Variants in PAPPA2 observed in about 807,000 individuals in gnomAD.
PAPPA2 encodes pappalysin 2.
PAPPA2 carries 86 observed loss-of-function variants against 176.4 expected under a neutral mutation model. The ratio of observed to expected loss-of-function variants is 0.49; its 90% CI spans 0.41 to 0.58. PAPPA2 has a LOEUF of 0.58. PAPPA2 is among the 20% of genes least tolerant of loss of function. The pLI is 0.00. For synonymous variants in PAPPA2, 809 were observed against 852.2 expected, an observed-to-expected ratio of 0.95 and a Z score of 0.88; for missense variants, 2,073 against 2,256.9, an observed-to-expected ratio of 0.92 and a Z score of 1.65.
At chr1:176,502,863 A>G (rs1648043038) in intron 1 of PAPPA2, among the ~76,000 whole-genome samples, 1 of 152,166 alleles carries the variant, frequency 6.6e-6, no homozygotes, top group South Asian at 2.1e-4. Context: ...TGTAGAGTCC[A>G]TGTCGTAGGT....
intron 2 of PAPPA2, among the ~76,000 whole-genome samples, chr1:176,592,882 G>A (rs1013609372): frequency 2.6e-5 from 4 of 152,146 alleles, no homozygotes; most frequent in African/African-American, 4.8e-5. Flanking sequence ...ATATGAATCA[G>A]GGAACTTAGT....
Position 176,706,428 on chromosome 1 carries a change from G to A in PAPPA2, c.3435G>A (p.Leu1145=). The change falls in exon 10 of 23, where the codon CTG becomes CTA. Residue 1145 remains leucine (L), a synonymous_variant. Transcript: ENST00000367662. The part of the protein sequence containing the change: ...SGDGCSKVCE[L]EEGFNCVGEP... ...ATGGCTGCTCCAAGGTGTGTGAGCT[G>A]GAGGAAGGTTTCAACTGTGTAGGTA... is the stretch of plus-strand genomic sequence containing the variant. 1 of 1,613,730 alleles carries A rather than the reference G, an allele frequency of 6.2e-7. No individual in the cohort carries two copies. The highest frequency in any genetic ancestry group is 2.2e-5 in the East Asian group (1 of 44,852).
At chr1:176,517,069 C>A (rs1648950190) in intron 1 of PAPPA2, among the ~76,000 whole-genome samples, 1 of 152,174 alleles carries the variant, frequency 6.6e-6, no homozygotes, top group African/African-American at 2.4e-5. Context: ...CCTATCTGTT[C>A]TATTCCTACC....
At chr1:176,528,671 C>T (rs565946668) in intron 1 of PAPPA2, among the ~76,000 whole-genome samples, 1 of 152,254 alleles carries the variant, frequency 6.6e-6, no homozygotes, top group South Asian at 2.1e-4. Context: ...CACCAATTTC[C>T]CTTCCCTCCA....
chr1:176,670,998 G>A lies in PAPPA2; in HGVS notation c.2020G>A (p.Glu674Lys), dbSNP rs1196054808. 2.5e-6 allele frequency: 4 copies of A among 1,613,900 alleles called. No individual in the cohort carries two copies. In the South Asian group the frequency reaches 3.3e-5, roughly 13 times the overall value. ...RAYMSVKELKEALQLNSTHFL... is the reference protein window; with the variant it reads ...RAYMSVKELKKALQLNSTHFL... ...ATACATGAGTGTGAAGGAGCTGAAGGAGGCCCTGCAGCTGAACAGTACTCA... is the reference window on the plus strand; with the variant it reads ...ATACATGAGTGTGAAGGAGCTGAAGAAGGCCCTGCAGCTGAACAGTACTCA... The change falls in exon 4 of 23, where the codon GAG becomes AAG. Residue 674 changes from glutamate (E) to lysine (K), a missense_variant. Around this residue, in one of 4 missense-constraint regions of PAPPA2, gnomAD observed 1,196 missense variants for 1,330.4 expected, o/e 0.90. Transcript: ENST00000367662.
chr1:176,508,487 A>G (rs1169616155), intron 1 of PAPPA2, among the ~76,000 whole-genome samples: 1 of 152,200 alleles, frequency 6.6e-6, no homozygotes, highest in Non-Finnish European at 1.5e-5. Flanking sequence ...AAATCACTGC[A>G]TGGAATTAAT....
At chr1:176,792,687 T>C (rs1181919133) in intron 19 of PAPPA2, among the ~76,000 whole-genome samples, 3 of 152,052 alleles carry the variant, frequency 2.0e-5, no homozygotes, top group African/African-American at 4.8e-5. Flanking sequence ...AATGTGCACA[T>C]GTACCCTAAA....
intron 9 of PAPPA2, 64 bp downstream of exon 9, chr1:176,702,799 GA>G: frequency 1.3e-6 from 2 of 1,555,516 alleles, no homozygotes; most frequent in South Asian, 1.2e-5. Context: ...GAGAGAGAGA[GA>G]GAGGGAGGGA....
intron 21 of PAPPA2, among the ~76,000 whole-genome samples, chr1:176,827,024 A>G (rs1666885488): frequency 6.6e-6 from 1 of 152,232 alleles, no homozygotes; most frequent in Non-Finnish European, 1.5e-5. Flanking sequence ...TGTCATAGAT[A>G]AGCCTTCATC....
intron 1 of PAPPA2, among the ~76,000 whole-genome samples, chr1:176,480,931 G>A (rs112520248): frequency 4.6e-5 from 7 of 152,088 alleles, no homozygotes; most frequent in South Asian, 2.1e-4. Flanking sequence ...TCTCCTGGGC[G>A]TACCTGTGAC....
chr1:176,623,584 T>TTCCTTCCC (rs1655726831), intron 3 of PAPPA2, among the ~76,000 whole-genome samples: 1 of 71,558 alleles, frequency 1.4e-5, no homozygotes, highest in Non-Finnish European at 3.5e-5. Flanking sequence ...CCCTCCTTCC[T>TTCCTTCCC]TCCTTCCTTC....
chr1:176,677,127 A>G (rs1024513503), intron 4 of PAPPA2, among the ~76,000 whole-genome samples: 9 of 152,296 alleles, frequency 5.9e-5, no homozygotes, highest in Admixed American at 2.6e-4. Context: ...ATCATAACTG[A>G]TTAAACAAAG....
intron 1 of PAPPA2, among the ~76,000 whole-genome samples, chr1:176,484,496 T>C (rs1449920521): frequency 6.6e-6 from 1 of 152,212 alleles, no homozygotes; most frequent in Non-Finnish European, 1.5e-5. Flanking sequence ...ACACTTTTTG[T>C]AGTTGTCCTA....
chr1:176,484,795 T>C (rs1279815772), intron 1 of PAPPA2, among the ~76,000 whole-genome samples: 1 of 152,260 alleles, frequency 6.6e-6, no homozygotes, highest in Non-Finnish European at 1.5e-5. Context: ...TTATTAATCA[T>C]AATTGTATTA....
intron 3 of PAPPA2, among the ~76,000 whole-genome samples, chr1:176,634,950 GATA>G (rs1558486960): frequency 8.3e-6 from 1 of 120,436 alleles, no homozygotes; most frequent in African/African-American, 3.6e-5. Flanking sequence ...ATGATAGGTA[GATA>G]GATAGATAGA....
At position 176,769,747 on chromosome 1, in the gene PAPPA2, C is replaced by G. The variant is rs1211422091; in HGVS notation, c.4464C>G (p.Arg1488=). 2 of 1,612,234 alleles carry G rather than the reference C, an allele frequency of 1.2e-6. No individual in the cohort carries two copies. Among genetic ancestry groups the G allele is most frequent in the Admixed American group, 3.4e-5 (2 of 59,406 alleles). Residue 1488 remains arginine, a synonymous_variant, in exon 16 of 23, where the codon CGC becomes CGG. Transcript: ENST00000367662. ...CAGAGGGAACCAAATTTCTGAAACG[C>G]TGCTCAATCTCTTGTGTCCCACCAG... ...SCSEGTKFLK[R]CSISCVPPAK... is the part of the protein sequence containing the mutation.
At chr1:176,724,781 CAAA>C (rs1192189011) in intron 12 of PAPPA2, among the ~76,000 whole-genome samples, 8 of 152,194 alleles carry the variant, frequency 5.3e-5, no homozygotes, top group Non-Finnish European at 1.2e-4. Flanking sequence ...CACCAGGCGT[CAAA>C]GAAGAAGAAA....
At chr1:176,769,550 A>G in intron 15 of PAPPA2, 57 bp from the exon 16 acceptor site, 1 of 1,533,074 alleles carries the variant, frequency 6.5e-7, no homozygotes, top group Non-Finnish European at 9.0e-7. Context: ...AAGCCTGGAA[A>G]CTACTCTGAT....
chr1:176,589,705 G>A (rs1237995504), intron 2 of PAPPA2, among the ~76,000 whole-genome samples: 1 of 152,090 alleles, frequency 6.6e-6, no homozygotes, highest in African/African-American at 2.4e-5. Flanking sequence ...CCAAGAATGT[G>A]GCTTTGATGA....
Sources: gnomAD v4.1 joint callset for allele counts (sites outside exome capture counted in the v4.1 genomes callset) on GRCh38, gnomAD v4.1.1 for gene constraint, gnomAD v4.1.1 regional missense constraint, MANE v1.5 for transcripts, NCBI Gene and HGNC (gene_info 2026-07-23, HGNC 2026-07-21) for gene names.